Variants in NHS observed in about 807,000 individuals in gnomAD.
The protein encoded by NHS is NHS actin remodeling regulator.
A neutral mutation model predicts 72.5 loss-of-function variants in NHS; 5 were observed. The ratio of observed to expected loss-of-function variants is 0.07; its 90% CI spans 0.04 to 0.14. The LOEUF (loss-of-function observed/expected upper bound fraction) is 0.14. Ranked by LOEUF, NHS falls within the 10% of genes least tolerant of loss-of-function variation. The pLI is 1.00. For synonymous variants in NHS, 464 were observed against 547.7 expected, an observed-to-expected ratio of 0.85 and a Z score of 2.13; for missense variants, 1,072 against 1,355.7, an observed-to-expected ratio of 0.79 and a Z score of 3.29.
intron 1 of NHS, among the ~76,000 whole-genome samples, chrX:17,518,504 C>A (rs772052875): frequency 1.8e-5 from 2 of 111,677 alleles, no homozygotes; most frequent in South Asian, 7.6e-4. Flanking sequence ...TCACTTTTGC[C>A]CTGAACACAC....
At chrX:17,542,675 G>A (rs1290260616) in intron 1 of NHS, among the ~76,000 whole-genome samples, 1 of 109,501 alleles carries the variant, frequency 9.1e-6, no homozygotes, top group Non-Finnish European at 1.9e-5. Context: ...TTTTCCTTAT[G>A]GAAGTCCTGA....
intron 1 of NHS, among the ~76,000 whole-genome samples, chrX:17,632,940 T>C (rs1451061569): frequency 8.9e-6 from 1 of 112,503 alleles, no homozygotes; most frequent in East Asian, 2.8e-4. Flanking sequence ...ATCACTCAAA[T>C]ACTTGATCAA....
At chrX:17,673,228 ACACACACAC>A (rs1280204809) in intron 1 of NHS, among the ~76,000 whole-genome samples, 1 of 101,189 alleles carries the variant, frequency 9.9e-6, no homozygotes, top group African/African-American at 3.8e-5. Flanking sequence ...ACACACACAC[ACACACACAC>A]AAGAAAGCTC....
At chrX:17,567,548 T>G (rs2065451073) in intron 1 of NHS, among the ~76,000 whole-genome samples, 2 of 111,498 alleles carry the variant, frequency 1.8e-5, no homozygotes, top group Non-Finnish European at 3.8e-5. Context: ...TCGACCCCTG[T>G]CTAGGAGGAA....
intron 1 of NHS, among the ~76,000 whole-genome samples, chrX:17,643,800 G>C (rs975042918): frequency 8.9e-6 from 1 of 111,884 alleles, no homozygotes; most frequent in Non-Finnish European, 1.9e-5. Flanking sequence ...ATGTCCTCTG[G>C]GATCATAAAA....
intron 1 of NHS, among the ~76,000 whole-genome samples, chrX:17,513,734 A>G (rs1352033280): frequency 8.9e-6 from 1 of 112,037 alleles, no homozygotes; most frequent in African/African-American, 3.2e-5. Context: ...CAATGTCTGG[A>G]AATGTATTTG....
chrX:17,446,452 TCTC>T (rs1161162557), intron 1 of NHS, among the ~76,000 whole-genome samples: 1 of 109,634 alleles, frequency 9.1e-6, no homozygotes, highest in Non-Finnish European at 1.9e-5. Context: ...TGAAATTCCT[TCTC>T]CTGGCTCATC....
intron 1 of NHS, among the ~76,000 whole-genome samples, chrX:17,628,234 G>A (rs1351690847): frequency 8.9e-6 from 1 of 112,521 alleles, no homozygotes; most frequent in Admixed American, 9.3e-5. Context: ...CCAAGTGGAA[G>A]GTTCCCAATT....
At chrX:17,678,605 G>T (rs773838395) in intron 1 of NHS, among the ~76,000 whole-genome samples, 2 of 110,653 alleles carry the variant, frequency 1.8e-5, no homozygotes, top group Non-Finnish European at 3.8e-5. Context: ...GCAGCAATGG[G>T]GGTGGTGATA....
chrX:17,707,346 A>G (rs1170685196), intron 3 of NHS, among the ~76,000 whole-genome samples: 2 of 112,542 alleles, frequency 1.8e-5, no homozygotes, highest in African/African-American at 6.5e-5. Flanking sequence ...TTACAGTTGT[A>G]TTGTTTGCCA....
At position 17,604,267 on chromosome X, in the gene NHS, C is replaced by T. The variant is rs370282065; in HGVS notation, c.566-83475C>T. 3.9e-4 allele frequency among the ~76,000 whole-genome samples: 41 copies of T among 105,889 alleles called. No homozygotes were observed. In the South Asian group the frequency reaches 0.015, roughly 39 times the overall value. 92.0% of individuals were successfully genotyped at this position (105,889 alleles called of 115,157 possible). On this transcript the variant is annotated intron_variant, in intron 1 of 8. Coordinates refer to ENST00000676302, the MANE Select transcript of NHS (RefSeq NM_001291867.2). The stretch of plus-strand genomic sequence containing the variant: ...ACACACACACACACACACACACACA[C>T]ATTAATGTGGTCCAAAAAGTTTGAG...
At chrX:17,381,220 A>G (rs1342326577) in intron 1 of NHS, among the ~76,000 whole-genome samples, 1 of 111,867 alleles carries the variant, frequency 8.9e-6, no homozygotes, top group Non-Finnish European at 1.9e-5. Context: ...CAGGATGTTC[A>G]TCTTTAGACA....
At chrX:17,539,087 C>T (rs1424153619) in intron 1 of NHS, among the ~76,000 whole-genome samples, 2 of 112,512 alleles carry the variant, frequency 1.8e-5, no homozygotes, top group African/African-American at 6.5e-5. Context: ...CACTGCATCC[C>T]CACTGCATTG....
chrX:17,718,583 C>T (rs1297877690), intron 3 of NHS, among the ~76,000 whole-genome samples: 11 of 53,698 alleles, frequency 2.0e-4, no homozygotes, highest in African/African-American at 4.8e-4. Context: ...AAAGAAGAAA[C>T]GGAGGGAGGA....
intron 1 of NHS, among the ~76,000 whole-genome samples, chrX:17,445,488 ATGT>A (rs893358665): frequency 2.7e-5 from 3 of 110,456 alleles, no homozygotes; most frequent in Non-Finnish European, 5.7e-5. Context: ...AGATTCACCC[ATGT>A]TGTTGTGTGT....
intron 1 of NHS, among the ~76,000 whole-genome samples, chrX:17,417,010 C>T (rs942552488): frequency 1.1e-4 from 12 of 110,690 alleles, no homozygotes; most frequent in African/African-American, 3.6e-4. Flanking sequence ...TATTACCCTT[C>T]TGGACAAACA....
At chrX:17,494,527 T>A (rs1002416044) in intron 1 of NHS, among the ~76,000 whole-genome samples, 22 of 112,527 alleles carry the variant, frequency 2.0e-4, no homozygotes, top group African/African-American at 7.1e-4. Flanking sequence ...TAATCATAAC[T>A]GTGGAGAGTG....
At chrX:17,635,371 G>T in intron 1 of NHS, 1 of 1,134,078 alleles carries the variant, frequency 8.8e-7, no homozygotes, top group Non-Finnish European at 1.2e-6. Flanking sequence ...CCCCTCCAGG[G>T]GGGAGTCCTA....
chrX:17,617,020 G>A (rs1294173963), intron 1 of NHS, among the ~76,000 whole-genome samples: 1 of 112,050 alleles, frequency 8.9e-6, no homozygotes, highest in African/African-American at 3.2e-5. Context: ...AGAGACCTTC[G>A]ATTAGCCAGC....
Sources: gnomAD v4.1 joint callset for allele counts (sites outside exome capture counted in the v4.1 genomes callset) on GRCh38, gnomAD v4.1.1 for gene constraint, MANE v1.5 for transcripts, NCBI Gene and HGNC (gene_info 2026-07-23, HGNC 2026-07-21) for gene names.